Variants in FRMD6 observed in about 807,000 individuals in gnomAD.
FRMD6 encodes the protein FERM domain-containing protein 6.
Under a neutral mutation model 73.2 loss-of-function variants are expected in FRMD6, and 37 were observed. That is an observed-to-expected ratio of 0.51 (90% CI 0.39 to 0.66). The LOEUF (loss-of-function observed/expected upper bound fraction) is 0.66, where lower values mean the gene tolerates loss of function less well. FRMD6 is among the 30% of genes least tolerant of loss of function. FRMD6 has a pLI of 0.00. For missense variants in FRMD6, 714 were observed against 780.5 expected (o/e 0.91, Z 1.02); for synonymous variants, 273 against 282.2 (o/e 0.97, Z 0.33).
At chr14:51,590,062 CAAAA>C (rs529602796) in intron 2 of FRMD6, among the ~76,000 whole-genome samples, 14,284 of 82,414 alleles carry the variant, frequency 0.17, 1,142 homozygotes, top group African/African-American at 0.33. Context: ...GAGCGAAACT[CAAAA>C]AAAAAAAAAA....
intron 1 of FRMD6, among the ~76,000 whole-genome samples, chr14:51,561,073 A>G (rs1163490945): frequency 6.6e-6 from 1 of 152,222 alleles, no homozygotes; most frequent in African/African-American, 2.4e-5. Context: ...ACTTGAAAAC[A>G]TCTTGGTTTG....
chr14:51,718,375 G>A (rs1489467336), intron 10 of FRMD6, among the ~76,000 whole-genome samples: 5 of 152,272 alleles, frequency 3.3e-5, no homozygotes, highest in African/African-American at 1.2e-4. Flanking sequence ...GAGTAAAAAG[G>A]CTATATGTAA....
At position 51,673,758 on chromosome 14, in the gene FRMD6, G is replaced by A. The variant is rs963075103; in HGVS notation, c.-146-15933G>A. On this transcript the variant is annotated intron_variant, in intron 1 of 13. Transcript: ENST00000344768. ...AGAGGCATCTTTTGCATAATTATGT[G>A]TGGAATATGATGCTTTTTATACTCA... 2.0e-5 allele frequency among the ~76,000 whole-genome samples: 3 copies of A among 152,210 alleles called. No homozygotes were observed. In the East Asian group the frequency reaches 5.8e-4, roughly 29 times the overall value.
upstream of FRMD6, among the ~76,000 whole-genome samples, chr14:51,648,340 C>T (rs1892172938): frequency 6.6e-6 from 1 of 152,156 alleles, no homozygotes; most frequent in Non-Finnish European, 1.5e-5. Context: ...AAGGCTATGG[C>T]CATCATGCTT....
chr14:51,625,985 A>T (rs1891099607), intron 2 of FRMD6, among the ~76,000 whole-genome samples: 1 of 152,232 alleles, frequency 6.6e-6, no homozygotes, highest in Non-Finnish European at 1.5e-5. Context: ...GTTGTAGTAG[A>T]CGCTCAATAA....
chr14:51,609,245 C>T (rs1382370336), intron 2 of FRMD6, among the ~76,000 whole-genome samples: 1 of 152,108 alleles, frequency 6.6e-6, no homozygotes, highest in East Asian at 1.9e-4. Context: ...GGTGGCCAAG[C>T]TAATAAATGG....
intron 2 of FRMD6, chr14:51,599,715 G>T (rs1268049555): frequency 6.6e-6 from 1 of 151,940 alleles, no homozygotes; most frequent in Admixed American, 6.6e-5. Context: ...CCTTTCTAAG[G>T]CAGGCACAGG....
At position 51,527,911 on chromosome 14, in the gene FRMD6, T is replaced by C. The variant is rs147753265; in HGVS notation, c.-210+38491T>C. 6.6e-5 allele frequency among the ~76,000 whole-genome samples: 10 copies of C among 152,070 alleles called. No individual in the cohort carries two copies. In the East Asian group the frequency reaches 1.9e-3, roughly 29 times the overall value. ...GAGGCTCAGTGGGGCCAGGCTGAGG[T>C]GGGAGGATCACTTAAGCCCAGGAGT... On this transcript the variant is annotated intron_variant, in intron 1 of 14. Coordinates refer to the FRMD6 transcript ENST00000356218.
intron 7 of FRMD6, among the ~76,000 whole-genome samples, chr14:51,709,042 T>C (rs1896794485): frequency 6.6e-6 from 1 of 152,178 alleles, no homozygotes. Flanking sequence ...TCTTGTCTTC[T>C]CTTCCCCTCC....
intron 2 of FRMD6, among the ~76,000 whole-genome samples, chr14:51,638,992 CAT>C (rs1891699361): frequency 1.5e-5 from 1 of 68,580 alleles, no homozygotes; most frequent in African/African-American, 4.2e-5. Flanking sequence ...TTTTCTGATA[CAT>C]AGTTTTTGCT....
chr14:51,665,501 CT>C lies in FRMD6; in HGVS notation c.-147+13507del, dbSNP rs368582086. Among the ~76,000 whole-genome samples, 50 of 152,294 alleles carry C rather than the reference CT, an allele frequency of 3.3e-4. 1 individual carries two copies. The East Asian group carries it at 9.6e-3, about 29-fold the overall frequency. On this transcript the variant is annotated intron_variant, in intron 1 of 13. Coordinates refer to ENST00000344768, the MANE Select transcript of FRMD6 (RefSeq NM_001267046.2). ...ACACTTCGTCTACCTCATGTTTCTG[CT>C]TCTGGCTTCTCCTTCCGCTGCGTCC...
At chr14:51,465,818 A>T in the FRMD6 span, among the ~76,000 whole-genome samples, 2 of 152,150 alleles carry the variant, frequency 1.3e-5, no homozygotes, top group East Asian at 3.9e-4. Flanking sequence ...CAAATACTGT[A>T]TCTAAGAAGA....
chr14:51,525,619 CT>C (rs1484956907), intron 1 of FRMD6, among the ~76,000 whole-genome samples: 6 of 152,106 alleles, frequency 3.9e-5, no homozygotes, highest in Non-Finnish European at 5.9e-5. Context: ...AGATGTTATA[CT>C]TTTCACTGCT....
At position 51,526,225 on chromosome 14, in the gene FRMD6, T is replaced by A. The variant is rs1043215450; in HGVS notation, c.-210+36805T>A. ...AGAGAACAAAGTACTTGGCATTCAC[T>A]CAATGATTTCCTTTAAAGGTGGAGC... On this transcript the variant is annotated intron_variant, in intron 1 of 14. Transcript: ENST00000356218. Among the ~76,000 whole-genome samples, 5 of 152,186 alleles carry A rather than the reference T, an allele frequency of 3.3e-5. No individual in the cohort carries two copies. In the East Asian group the frequency reaches 5.8e-4, roughly 18 times the overall value.
the FRMD6 span, among the ~76,000 whole-genome samples, chr14:51,418,964 T>C: frequency 7.4e-3 from 1,129 of 152,316 alleles, 14 homozygotes; most frequent in African/African-American, 0.026. Flanking sequence ...CAAGGCTCTG[T>C]GGGCTTGGGA....
At chr14:51,559,448 G>A (rs1224841224) in intron 1 of FRMD6, among the ~76,000 whole-genome samples, 1 of 151,844 alleles carries the variant, frequency 6.6e-6, no homozygotes, top group Non-Finnish European at 1.5e-5. Context: ...GAATCCTCCG[G>A]TGGTGATGGT....
At position 51,698,170 on chromosome 14, in the gene FRMD6, T is replaced by G. The variant is rs193210556; in HGVS notation, c.128T>G (p.Val43Gly). 5 of 1,612,612 alleles carry G rather than the reference T, an allele frequency of 3.1e-6. No homozygotes were observed. The East Asian group carries it at 8.9e-5, about 29-fold the overall frequency. ...NVKILCHQLLVQVCDLLRLKD... is the reference protein window; with the variant it reads ...NVKILCHQLLGQVCDLLRLKD... ...AAGATTCTGTGTCACCAGTTGCTGG[T>G]CCAGGTTTGTGACCTGCTCAGGCTA... Residue 43 changes from valine (V) to glycine (G), a missense_variant, in exon 3 of 14, where the codon GTC becomes GGC. By Grantham distance (109) the Val-to-Gly change is moderately radical. Transcript: ENST00000344768.
chr14:51,458,786 G>A, the FRMD6 span, among the ~76,000 whole-genome samples: 2 of 152,212 alleles, frequency 1.3e-5, no homozygotes, highest in African/African-American at 4.8e-5. Context: ...CACAAGCCAT[G>A]ATGTACTCTA....
At chr14:51,615,114 A>C (rs1005337248) in intron 2 of FRMD6, among the ~76,000 whole-genome samples, 3 of 152,118 alleles carry the variant, frequency 2.0e-5, no homozygotes, top group African/African-American at 7.2e-5. Context: ...GGAAACAAAA[A>C]CTTTTAGCAG....
Sources: gnomAD v4.1 joint callset for allele counts (sites outside exome capture counted in the v4.1 genomes callset) on GRCh38, gnomAD v4.1.1 for gene constraint, MANE v1.5 for transcripts, NCBI Gene and HGNC (gene_info 2026-07-23, HGNC 2026-07-21) for gene names.